The following MEF2C variants were observed in gnomAD, a reference collection of about 807,000 sequenced individuals.
The protein encoded by MEF2C is myocyte-specific enhancer factor 2C.
MEF2C carries 6 observed loss-of-function variants against 50.5 expected under a neutral mutation model. That is an observed-to-expected ratio of 0.12 (90% CI 0.07 to 0.23). The LOEUF (loss-of-function observed/expected upper bound fraction) is 0.23. Ranked by LOEUF, MEF2C falls within the 10% of genes least tolerant of loss-of-function variation. The probability of loss-of-function intolerance (pLI) is 1.00; values close to 1 mark genes in which losing one functional copy is unlikely to be tolerated. For missense variants in MEF2C, 276 were observed against 605.0 expected (o/e 0.46, Z 5.70); for synonymous variants, 183 against 228.0 (o/e 0.80, Z 1.78).
At chr5:88,827,764 T>A (rs1445871593) in intron 1 of MEF2C, among the ~76,000 whole-genome samples, 1 of 151,748 alleles carries the variant, frequency 6.6e-6, no homozygotes, top group Non-Finnish European at 1.5e-5. Flanking sequence ...TAATTGGAAT[T>A]TACCCTTTGA....
chr5:88,896,050 C>A (rs1015293742), intron 1 of MEF2C, among the ~76,000 whole-genome samples: 1 of 152,274 alleles, frequency 6.6e-6, no homozygotes, highest in African/African-American at 2.4e-5. Flanking sequence ...CCAGCAGCCA[C>A]TTCATTTGTC....
At chr5:88,772,777 GA>G (rs1782967470) in intron 3 of MEF2C, 10 of 985,238 alleles carry the variant, frequency 1.0e-5, no homozygotes, top group Non-Finnish European at 1.2e-5. Context: ...ATTCACTCTT[GA>G]AAATTTTCAC....
chr5:88,830,093 T>C (rs1002097185), intron 1 of MEF2C, among the ~76,000 whole-genome samples: 1 of 152,060 alleles, frequency 6.6e-6, no homozygotes, highest in Non-Finnish European at 1.5e-5. Context: ...ATGCCTCATT[T>C]ATCCTGTAAC....
chr5:88,882,598 C>T (rs1391461305), intron 1 of MEF2C, among the ~76,000 whole-genome samples: 1 of 152,150 alleles, frequency 6.6e-6, no homozygotes, highest in African/African-American at 2.4e-5. Context: ...ACTTCAAGGT[C>T]ACAGAACATG....
chr5:88,809,068 AT>A (rs1374957218), intron 2 of MEF2C, among the ~76,000 whole-genome samples: 5 of 152,122 alleles, frequency 3.3e-5, no homozygotes, highest in Non-Finnish European at 4.4e-5. Context: ...ACTACTCTGT[AT>A]GTTTTTTATT....
chr5:88,889,986 C>T (rs1462617511), intron 1 of MEF2C, among the ~76,000 whole-genome samples: 1 of 152,200 alleles, frequency 6.6e-6, no homozygotes, highest in Non-Finnish European at 1.5e-5. Context: ...CCTGGGAGAG[C>T]AAGAGGGGCT....
At chr5:88,735,305 C>A (rs1230408861) in intron 6 of MEF2C, 1 of 985,172 alleles carries the variant, frequency 1.0e-6, no homozygotes, top group Non-Finnish European at 1.2e-6. Flanking sequence ...AGGTGGGAAA[C>A]ACCACCTCTC....
At chr5:88,739,568 A>G (rs1765606853) in intron 6 of MEF2C, 1 of 984,906 alleles carries the variant, frequency 1.0e-6, no homozygotes, top group Non-Finnish European at 1.2e-6. Flanking sequence ...AAACTTGCTC[A>G]TACAATCCCC....
chr5:88,792,949 G>A (rs1369845177), intron 3 of MEF2C, among the ~76,000 whole-genome samples: 4 of 152,058 alleles, frequency 2.6e-5, no homozygotes, highest in African/African-American at 7.2e-5. Flanking sequence ...TTTCCTGTTT[G>A]TTTATTCTAT....
At chr5:88,830,293 C>T (rs1268780800) in intron 1 of MEF2C, among the ~76,000 whole-genome samples, 1 of 151,904 alleles carries the variant, frequency 6.6e-6, no homozygotes, top group Non-Finnish European at 1.5e-5. Context: ...TATCTTTCCC[C>T]AAGGACAAAA....
rs7732642 is a variant in MEF2C, at chr5:88,792,758, G to A, written c.258+11840C>T. Reference sequence around the variant, plus strand: ...TTCATTTAAATGTAAATAGTCTCATGAGCCTATTGGCTACTATATTGGAGA... The same window carrying A: ...TTCATTTAAATGTAAATAGTCTCATAAGCCTATTGGCTACTATATTGGAGA... On this transcript the variant is annotated intron_variant, in intron 3 of 10. Transcript: ENST00000504921. Among the ~76,000 whole-genome samples the A allele has an allele frequency of 2.9e-3, 439 of 152,238 alleles. 1 individual carries two copies. The highest frequency in any genetic ancestry group is 1.0e-2 in the African/African-American group (414 of 41,562).
intron 3 of MEF2C, chr5:88,772,659 G>T: frequency 1.2e-6 from 1 of 838,646 alleles, no homozygotes; most frequent in Non-Finnish European, 1.4e-6. Flanking sequence ...TTCATTTATG[G>T]TATCCTCAAC....
intron 6 of MEF2C, chr5:88,738,269 A>T: frequency 1.0e-6 from 1 of 985,324 alleles, no homozygotes; most frequent in Non-Finnish European, 1.2e-6. Context: ...CAATCTTACC[A>T]TCCAACAATA....
chr5:88,899,164 T>C (rs1220777116), intron 1 of MEF2C, among the ~76,000 whole-genome samples: 1 of 152,176 alleles, frequency 6.6e-6, no homozygotes, highest in African/African-American at 2.4e-5. Flanking sequence ...TTTTGTATTA[T>C]GTTACTAGGG....
chr5:88,891,893 G>A (rs909811075), intron 1 of MEF2C, among the ~76,000 whole-genome samples: 13 of 152,040 alleles, frequency 8.6e-5, no homozygotes, highest in Non-Finnish European at 1.6e-4. Context: ...TTAATTAGGA[G>A]TGAACTGTTG....
intron 1 of MEF2C, among the ~76,000 whole-genome samples, chr5:88,889,823 G>T (rs928401840): frequency 1.3e-5 from 2 of 152,116 alleles, no homozygotes; most frequent in African/African-American, 4.8e-5. Flanking sequence ...GGAGAAATGC[G>T]ATCCAAAAGA....
chr5:88,749,310 C>T (rs1329509045), intron 5 of MEF2C, 193 bp from the exon 6 acceptor site: 2 of 974,012 alleles, frequency 2.1e-6, no homozygotes, highest in Non-Finnish European at 2.4e-6. Flanking sequence ...CATTCAATCA[C>T]TGACATTTTG....
At chr5:88,832,835 G>T (rs1664496) in intron 1 of MEF2C, among the ~76,000 whole-genome samples, 122,775 of 151,404 alleles carry the variant, frequency 0.81, 50,314 homozygotes, top group African/African-American at 0.94. Context: ...ATATATATAT[G>T]CTAATTATGG....
chr5:88,721,465 C>G lies in MEF2C; in HGVS notation c.*1139G>C, dbSNP rs1756326367. 1 of 152,550 alleles carries G rather than the reference C, an allele frequency of 6.6e-6. No homozygotes were observed. The highest frequency in any genetic ancestry group is 1.5e-5 in the Non-Finnish European group (1 of 68,018). The allele number at this position is 152,550 out of a possible 1,614,324, so 9.4% of individuals were successfully genotyped here. On this transcript the variant is annotated 3_prime_UTR_variant, in exon 11 of 11. Transcript: ENST00000504921. ...TATCCTTTTGACAGCTGACCTTAAA[C>G]TTATAAAATGTAAGCAGAGTAAAAG...
Sources: gnomAD v4.1 joint callset for allele counts (sites outside exome capture counted in the v4.1 genomes callset) on GRCh38, gnomAD v4.1.1 for gene constraint, MANE v1.5 for transcripts, NCBI Gene and HGNC (gene_info 2026-07-23, HGNC 2026-07-21) for gene names.